The following APBB2 variants were observed in gnomAD, a reference collection of about 807,000 sequenced individuals.
APBB2 encodes Fe65-like 1.
Under a neutral mutation model 82.5 loss-of-function variants are expected in APBB2, and 38 were observed. The ratio of observed to expected loss-of-function variants is 0.46; its 90% confidence interval spans 0.36 to 0.60. The LOEUF (loss-of-function observed/expected upper bound fraction) is 0.60, where lower values mean the gene tolerates loss of function less well. Among genes scored for constraint, APBB2 ranks in the 20% least tolerant of loss-of-function variants. The pLI, the probability that APBB2 is intolerant of heterozygous loss-of-function variation, is 0.00. For synonymous variants in APBB2, 341 were observed against 368.2 expected (o/e 0.93, Z 0.85); for missense variants, 772 against 972.3 (o/e 0.79, Z 2.74).
At chr4:40,840,352 C>T (rs1053350366) in intron 12 of APBB2, among the ~76,000 whole-genome samples, 2 of 152,124 alleles carry the variant, frequency 1.3e-5, no homozygotes, top group African/African-American at 4.8e-5. Context: ...AGACTGGATG[C>T]TTTTATTTTC....
chr4:40,939,722 G>A (rs1449325030), intron 7 of APBB2, among the ~76,000 whole-genome samples: 1 of 152,118 alleles, frequency 6.6e-6, no homozygotes, highest in Non-Finnish European at 1.5e-5. Context: ...AGCCTCTCAA[G>A]TTGCTGGGAC....
At chr4:40,982,786 CAAA>C (rs3058140) in intron 6 of APBB2, among the ~76,000 whole-genome samples, 1 of 146,080 alleles carries the variant, frequency 6.8e-6, no homozygotes, top group Admixed American at 6.8e-5. Context: ...GACCCTGTCT[CAAA>C]AAAAAAAAAG....
At chr4:41,201,025 T>C (rs185727855) in intron 1 of APBB2, among the ~76,000 whole-genome samples, 1 of 152,348 alleles carries the variant, frequency 6.6e-6, no homozygotes, top group East Asian at 1.9e-4. Flanking sequence ...TAGGAGATTA[T>C]AACAGTATCT....
intron 1 of APBB2, among the ~76,000 whole-genome samples, chr4:41,149,729 C>T (rs1226899078): frequency 6.6e-6 from 1 of 152,156 alleles, no homozygotes; most frequent in Non-Finnish European, 1.5e-5. Flanking sequence ...TCATAATCCC[C>T]ATGTGTCATG....
chr4:40,866,170 C>G (rs1212563097), intron 12 of APBB2, among the ~76,000 whole-genome samples: 1 of 152,206 alleles, frequency 6.6e-6, no homozygotes, highest in Non-Finnish European at 1.5e-5. Context: ...ATTACAGCGG[C>G]TTTATTCATG....
chr4:41,109,907 G>A (rs1213888424), intron 2 of APBB2, among the ~76,000 whole-genome samples: 1 of 152,148 alleles, frequency 6.6e-6, no homozygotes, highest in Non-Finnish European at 1.5e-5. Context: ...CTTGTCTTCT[G>A]GTTCTACCCT....
At chr4:40,988,443 C>T (rs1353178047) in intron 6 of APBB2, among the ~76,000 whole-genome samples, 2 of 151,784 alleles carry the variant, frequency 1.3e-5, no homozygotes, top group Non-Finnish European at 2.9e-5. Flanking sequence ...CGAGACCAGT[C>T]TGGCCAAAAT....
chr4:40,828,254 C>T (rs1202962411), intron 13 of APBB2, among the ~76,000 whole-genome samples: 1 of 152,168 alleles, frequency 6.6e-6, no homozygotes, highest in Non-Finnish European at 1.5e-5. Context: ...CTGATGTCTG[C>T]TTTACTTAAG....
intron 4 of APBB2, among the ~76,000 whole-genome samples, chr4:41,056,994 C>A (rs756731668): frequency 3.9e-5 from 6 of 152,098 alleles, no homozygotes; most frequent in Non-Finnish European, 5.9e-5. Context: ...GTGGAATTTT[C>A]TTGTACTCTG....
chr4:41,101,735 G>A (rs1180867600), intron 2 of APBB2, among the ~76,000 whole-genome samples: 3 of 151,894 alleles, frequency 2.0e-5, no homozygotes, highest in Non-Finnish European at 2.9e-5. Flanking sequence ...CCAGGCGGGC[G>A]GATCACGACG....
intron 6 of APBB2, among the ~76,000 whole-genome samples, chr4:40,996,650 C>G (rs527712537): frequency 6.6e-6 from 1 of 152,178 alleles, no homozygotes; most frequent in Non-Finnish European, 1.5e-5. Flanking sequence ...CTAACATTTT[C>G]TTAGTCTTCA....
rs769760181 is a variant in APBB2, at chr4:41,014,222, A to G, written c.196T>C (p.Cys66Arg). The G allele has an allele frequency of 6.2e-6, 10 of 1,614,048 alleles. No homozygotes were observed. Among genetic ancestry groups the G allele is most frequent in the Middle Eastern group, 1.6e-4 (1 of 6,084 alleles). ...TTAGTTAGTGCATATTTTTTCCTGC[A>G]TTTGGGAGGTGTGCTGTTCTTGGTT... Reference protein sequence around the residue: ...TETKNSTPPKCRKKYALTNIQ... With the variant: ...TETKNSTPPKRRKKYALTNIQ... The change falls in exon 6 of 18, where the codon TGC (cysteine) becomes CGC (arginine). Residue 66 changes from cysteine to arginine, a missense_variant. Coordinates refer to ENST00000508593, the MANE Select transcript of APBB2 (RefSeq NM_004307.2).
chr4:41,005,255 T>C (rs1232113195), intron 6 of APBB2, among the ~76,000 whole-genome samples: 1 of 152,058 alleles, frequency 6.6e-6, no homozygotes, highest in African/African-American at 2.4e-5. Context: ...CACGCCCAAC[T>C]AATTTTGTAT....
chr4:41,200,559 C>G (rs1337436470), intron 1 of APBB2, among the ~76,000 whole-genome samples: 1 of 152,134 alleles, frequency 6.6e-6, no homozygotes, highest in East Asian at 1.9e-4. Flanking sequence ...TGGAACTTAT[C>G]CTCCGTGATT....
chr4:41,163,284 C>G (rs1475028008), intron 1 of APBB2, among the ~76,000 whole-genome samples: 13 of 152,178 alleles, frequency 8.5e-5, no homozygotes, highest in African/African-American at 3.1e-4. Context: ...TGAGAATCAT[C>G]ACGCATTTTT....
intron 5 of APBB2, among the ~76,000 whole-genome samples, chr4:41,023,464 G>A (rs1712594758): frequency 6.6e-6 from 1 of 152,062 alleles, no homozygotes; most frequent in Non-Finnish European, 1.5e-5. Context: ...TCTTTCGGCT[G>A]ATAAACAACT....
At chr4:40,930,468 TGC>T (rs1560309735) in intron 10 of APBB2, among the ~76,000 whole-genome samples, 28 of 132,200 alleles carry the variant, frequency 2.1e-4, no homozygotes, top group African/African-American at 8.9e-4. Context: ...CGCGCGCGCG[TGC>T]GCGTGCGCGT....
Position 40,815,955 on chromosome 4 carries a change from A to G in APBB2, c.*137T>C, listed in dbSNP as rs558695777. 3.6e-5 allele frequency: 34 copies of G among 946,896 alleles called. No homozygotes were observed. The South Asian group carries it at 4.2e-4, about 12-fold the overall frequency. 58.7% of individuals were successfully genotyped at this position (946,896 alleles called of 1,614,324 possible). A position where few individuals can be genotyped will look rare whatever the true frequency, so the allele number is the denominator to read the frequency against. ...GCAAGACGAGAGAACATGCTTGTCT[A>G]ACACTGCTTGGTTAAGGGTAAATTC... On this transcript the variant is annotated 3_prime_UTR_variant, in exon 18 of 18. Transcript: ENST00000508593.
intron 1 of APBB2, among the ~76,000 whole-genome samples, chr4:41,206,422 T>G (rs1411793525): frequency 2.0e-5 from 3 of 152,198 alleles, no homozygotes; most frequent in Admixed American, 2.0e-4. Flanking sequence ...GCACAAACTA[T>G]GTACTCAATA....
Sources: allele counts gnomAD v4.1 joint callset (sites outside exome capture counted in the v4.1 genomes callset), GRCh38; gene constraint gnomAD v4.1.1; transcripts MANE v1.5; gene names NCBI Gene and HGNC (gene_info 2026-07-23, HGNC 2026-07-21).